PALMD: variants seen among roughly 807,000 people sequenced by gnomAD.
PALMD encodes the protein paralemmin-like protein.
In PALMD, 42 loss-of-function variants were observed where a neutral mutation model predicts 56.2. The ratio of observed to expected loss-of-function variants is 0.75; its 90% CI spans 0.58 to 0.97. The LOEUF (loss-of-function observed/expected upper bound fraction) is 0.97, where lower values mean the gene tolerates loss of function less well. Among genes scored for constraint, PALMD ranks in the 50% least tolerant of loss-of-function variants. The pLI, the probability that PALMD is intolerant of heterozygous loss-of-function variation, is 0.00. For synonymous variants in PALMD, 242 were observed against 222.9 expected, an observed-to-expected ratio of 1.09 and a Z score of -0.76; for missense variants, 660 against 643.8, an observed-to-expected ratio of 1.03 and a Z score of -0.27.
intron 1 of PALMD, among the ~76,000 whole-genome samples, chr1:99,648,046 G>C (rs1333667582): frequency 6.6e-6 from 1 of 152,152 alleles, no homozygotes; most frequent in Non-Finnish European, 1.5e-5. Context: ...TGAATATGCA[G>C]ATGTATGCTT....
chr1:99,659,574 A>T lies in PALMD; in HGVS notation c.46-2745A>T, dbSNP rs530326175. On this transcript the variant is annotated intron_variant, in intron 1 of 7. Coordinates refer to ENST00000263174, the MANE Select transcript of PALMD (RefSeq NM_017734.5). ...TTGCTCCAATGAAAAACTGGGAAGA[A>T]ATTAGCTGACTATGATAACTTTTGG... Among the ~76,000 whole-genome samples, 243 of 152,326 alleles carry T rather than the reference A, an allele frequency of 1.6e-3. 1 individual carries two copies. The highest frequency in any genetic ancestry group is 5.6e-3 in the African/African-American group (231 of 41,568).
At chr1:99,654,388 G>A (rs1652665656) in intron 1 of PALMD, among the ~76,000 whole-genome samples, 2 of 152,220 alleles carry the variant, frequency 1.3e-5, no homozygotes, top group Admixed American at 6.5e-5. Flanking sequence ...AAGGAAGTAT[G>A]CCAGATTTAG....
At position 99,689,619 on chromosome 1, in the gene PALMD, G is replaced by T. The variant is rs141069057; in HGVS notation, c.1359G>T (p.Glu453Asp). ...TTGTGATTGATGATGAGGAGGAGGAGGATGAAGGAGAAGCAGAGAAACCGT... is the reference window on the plus strand; with the variant it reads ...TTGTGATTGATGATGAGGAGGAGGATGATGAAGGAGAAGCAGAGAAACCGT... ...ELVVIDDEEE[E>D]DEGEAEKPSY... is the part of the protein sequence containing the mutation. Residue 453 changes from glutamate to aspartate, a missense_variant, in exon 7 of 8, where the codon GAG becomes GAT. By Grantham distance (45) the Glu-to-Asp change is conservative (BLOSUM62 2). Coordinates refer to ENST00000263174, the MANE Select transcript of PALMD (RefSeq NM_017734.5). 122 of 1,613,782 alleles carry T rather than the reference G, an allele frequency of 7.6e-5. 1 individual carries two copies. In the East Asian group the frequency reaches 2.1e-3, roughly 28 times the overall value.
chr1:99,679,748 T>C (rs1361882398), intron 3 of PALMD, among the ~76,000 whole-genome samples: 1 of 152,182 alleles, frequency 6.6e-6, no homozygotes, highest in Non-Finnish European at 1.5e-5. Context: ...CAGTGGCTAA[T>C]TGGAGAGGAG....
Position 99,659,711 on chromosome 1 carries a change from A to G in PALMD, c.46-2608A>G, listed in dbSNP as rs79559090. ...TTTTCATTAATGCTAACAGAGTTCA[A>G]TGAAATTTGGCAAAGGAACAATAAC... On this transcript the variant is annotated intron_variant, in intron 1 of 7. Coordinates refer to ENST00000263174, the MANE Select transcript of PALMD (RefSeq NM_017734.5). 2.6e-3 allele frequency among the ~76,000 whole-genome samples: 397 copies of G among 152,352 alleles called. 1 individual carries two copies. The highest frequency in any genetic ancestry group is 9.3e-3 in the African/African-American group (385 of 41,578).
At chr1:99,649,700 G>A (rs765308943) in intron 1 of PALMD, among the ~76,000 whole-genome samples, 13 of 152,102 alleles carry the variant, frequency 8.5e-5, no homozygotes, top group Non-Finnish European at 1.5e-4. Context: ...TGCCTACAGC[G>A]ACATTGGAAA....
Position 99,652,481 on chromosome 1 carries a change from G to C in PALMD, c.45+6119G>C, listed in dbSNP as rs193158259. 3.4e-3 allele frequency among the ~76,000 whole-genome samples: 514 copies of C among 152,114 alleles called. 4 individuals carry two copies. The highest frequency in any genetic ancestry group is 0.012 in the African/African-American group (482 of 41,500). Reference sequence around the variant, plus strand: ...TAGCTGGGCATGGTGGTCTGCGCCTGTAATCCCAGCTACTTGGGAAGCTGA... The same window carrying C: ...TAGCTGGGCATGGTGGTCTGCGCCTCTAATCCCAGCTACTTGGGAAGCTGA... On this transcript the variant is annotated intron_variant, in intron 1 of 7. Coordinates refer to ENST00000263174, the MANE Select transcript of PALMD (RefSeq NM_017734.5).
chr1:99,663,839 G>A (rs1477407366), intron 2 of PALMD, among the ~76,000 whole-genome samples: 1 of 152,128 alleles, frequency 6.6e-6, no homozygotes, highest in Non-Finnish European at 1.5e-5. Context: ...TTCTGAAGTA[G>A]CACCTCATTC....
chr1:99,684,504 A>G (rs1186350686), intron 3 of PALMD: 1 of 151,638 alleles, frequency 6.6e-6, no homozygotes, highest in African/African-American at 2.4e-5. Context: ...ATGAATGAAT[A>G]AAGACAATGA....
chr1:99,672,337 T>C lies in PALMD; in HGVS notation c.251+4571T>C, dbSNP rs76943874. On this transcript the variant is annotated intron_variant, in intron 3 of 7. Transcript: ENST00000263174. The stretch of plus-strand genomic sequence containing the variant: ...TTGAACGTCTCCTTCTGAATCACTT[T>C]GCTTAAATAGAGTTTCAATTTGCCT... 3.2e-3 allele frequency among the ~76,000 whole-genome samples: 486 copies of C among 152,320 alleles called. 4 individuals are homozygous for C. Among genetic ancestry groups the C allele is most frequent in the African/African-American group, 0.011 (473 of 41,578 alleles).
intron 2 of PALMD, among the ~76,000 whole-genome samples, chr1:99,664,759 C>T (rs1652923493): frequency 6.6e-6 from 1 of 152,188 alleles, no homozygotes; most frequent in Non-Finnish European, 1.5e-5. Context: ...TTATTTTCTT[C>T]ATCCATTCGT....
At chr1:99,690,321 G>A (rs1268462977) in intron 7 of PALMD, among the ~76,000 whole-genome samples, 1 of 151,970 alleles carries the variant, frequency 6.6e-6, no homozygotes, top group Non-Finnish European at 1.5e-5. Flanking sequence ...TATTTTCAGA[G>A]TATTTTATTA....
chr1:99,689,224 C>T lies in PALMD; in HGVS notation c.964C>T (p.Pro322Ser), dbSNP rs756704907. 1 of 1,613,654 alleles carries T rather than the reference C, an allele frequency of 6.2e-7. No homozygotes were observed. The highest frequency in any genetic ancestry group is 1.7e-5 in the Admixed American group (1 of 59,906). The change falls in exon 7 of 8, where the codon CCC becomes TCC. Residue 322 changes from proline (P) to serine (S), a missense_variant. By Grantham distance (74) the Pro-to-Ser change is moderately conservative (BLOSUM62 -1). Coordinates refer to ENST00000263174, the MANE Select transcript of PALMD (RefSeq NM_017734.5). ...ERGNNFNHISPIPPVPHPRSV... is the reference protein window; with the variant it reads ...ERGNNFNHISSIPPVPHPRSV... ...GGGAAACAACTTCAATCACATCAGT[C>T]CCATTCCGCCAGTGCCTCATCCCCG...
chr1:99,655,846 T>C (rs182507588), intron 1 of PALMD, among the ~76,000 whole-genome samples: 96 of 152,320 alleles, frequency 6.3e-4, no homozygotes, highest in Middle Eastern at 3.4e-3. Flanking sequence ...AACGGAATCA[T>C]ATTTTATCTC....
intron 1 of PALMD, among the ~76,000 whole-genome samples, chr1:99,659,395 G>A (rs560081986): frequency 7.2e-5 from 11 of 152,164 alleles, no homozygotes; most frequent in Admixed American, 1.3e-4. Flanking sequence ...AAAAGTCAAG[G>A]TAGTTGGACA....
At chr1:99,693,121 T>C (rs1260598575) in intron 7 of PALMD, among the ~76,000 whole-genome samples, 1 of 152,212 alleles carries the variant, frequency 6.6e-6, no homozygotes, top group Non-Finnish European at 1.5e-5. Context: ...CAATATATGG[T>C]ATACAAATGA....
At chr1:99,686,377 T>C (rs984738850) in intron 3 of PALMD, 6 of 183,660 alleles carry the variant, frequency 3.3e-5, no homozygotes, top group Non-Finnish European at 5.6e-5. Flanking sequence ...ATCTCTTTTA[T>C]TTGGAAATAA....
At chr1:99,674,988 C>A (rs1437177154) in intron 3 of PALMD, among the ~76,000 whole-genome samples, 1 of 152,200 alleles carries the variant, frequency 6.6e-6, no homozygotes, top group Non-Finnish European at 1.5e-5. Context: ...ACTTCCACAC[C>A]CACCCCCTTG....
rs369664376 is a variant in PALMD at position 99,646,294 on chromosome 1, G to T, written c.-24G>T. On this transcript the variant is annotated 5_prime_UTR_variant, in exon 1 of 8. Transcript: ENST00000263174. The stretch of plus-strand genomic sequence containing the variant: ...ATGGTAGCTTTGGACTTGCTTCCCC[G>T]TCTGACTGTCCTTGACTTCTAGAAT... The T allele has an allele frequency of 1.9e-6, 3 of 1,609,516 alleles. No homozygotes were observed. Among genetic ancestry groups the T allele is most frequent in the Admixed American group, 1.7e-5 (1 of 60,002 alleles).
Sources: allele counts gnomAD v4.1 joint callset (sites outside exome capture counted in the v4.1 genomes callset), GRCh38; gene constraint gnomAD v4.1.1; transcripts MANE v1.5; gene names NCBI Gene and HGNC (gene_info 2026-07-23, HGNC 2026-07-21).